The following PUM1 variants were observed in gnomAD, a reference collection of about 807,000 sequenced individuals.
The protein encoded by PUM1 is pumilio RNA binding family member 1, also known as pumilio homolog 1.
Under a neutral mutation model 131.8 loss-of-function variants are expected in PUM1, and 13 were observed. The ratio of observed to expected loss-of-function variants is 0.10; its 90% CI spans 0.06 to 0.16. The LOEUF (loss-of-function observed/expected upper bound fraction) is 0.16, where lower values mean the gene tolerates loss of function less well. Among genes scored for constraint, PUM1 ranks in the 10% least tolerant of loss-of-function variants. The pLI is 1.00. For synonymous variants in PUM1, 509 were observed against 556.5 expected (o/e 0.91, Z 1.20); for missense variants, 961 against 1,512.4 (o/e 0.64, Z 6.05).
At chr1:31,003,520 G>A (rs185609838) in intron 5 of PUM1, among the ~76,000 whole-genome samples, 6 of 152,264 alleles carry the variant, frequency 3.9e-5, no homozygotes, top group African/African-American at 1.4e-4. Context: ...ACTTTGGGAG[G>A]CTGAGGTGGG....
At chr1:31,052,154 A>C (rs1644127239) in intron 2 of PUM1, among the ~76,000 whole-genome samples, 1 of 151,846 alleles carries the variant, frequency 6.6e-6, no homozygotes, top group Non-Finnish European at 1.5e-5. Context: ...CTGGGACTAC[A>C]GGCGCCCACC....
intron 3 of PUM1, 182 bp downstream of exon 3, chr1:31,028,614 A>C (rs1340982309): frequency 1.6e-6 from 1 of 620,184 alleles, no homozygotes; most frequent in East Asian, 2.6e-5. Flanking sequence ...TATGGTTAAC[A>C]TTCTTCTTTT....
rs267598545 is a variant in PUM1 at position 30,980,153 on chromosome 1, G to A, written c.1263C>T (p.Pro421=). 1.1e-5 allele frequency: 17 copies of A among 1,613,642 alleles called. No individual in the cohort carries two copies. Among genetic ancestry groups the A allele is most frequent in the Non-Finnish European group, 1.4e-5 (16 of 1,179,884 alleles). The part of the protein sequence containing the change: ...AAHQPHIGLA[P]AAFVPNPYII... ...TGTATGGATTGGGGACAAACGCAGCGGGAGCTAAACCTGCTGAAAACATAC... is the reference window on the plus strand; with the variant it reads ...TGTATGGATTGGGGACAAACGCAGCAGGAGCTAAACCTGCTGAAAACATAC... Residue 421 remains proline (P), a synonymous_variant, in exon 9 of 22, where the codon CCC becomes CCT. Transcript: ENST00000426105.
At position 30,967,307 on chromosome 1, in the gene PUM1, T is replaced by A. The variant is rs1640661202; in HGVS notation, c.1649A>T (p.Tyr550Phe). 1.2e-6 allele frequency: 2 copies of A among 1,613,182 alleles called. No individual in the cohort carries two copies. ...GTAAGCAGCAGGAGCCAACACCGGA[T>A]AACCTAGGAATATCAAGCCAACAAA... ...GQGLAAGMPG[Y>F]PVLAPAAYYD... Residue 550 changes from tyrosine (Y) to phenylalanine (F), a missense_variant, in exon 12 of 22, where the codon TAT becomes TTT. Tyr to Phe is a conservative substitution (Grantham distance 22). Coordinates refer to ENST00000426105, the MANE Select transcript of PUM1 (RefSeq NM_001020658.2).
intron 17 of PUM1, among the ~76,000 whole-genome samples, chr1:30,949,657 T>G (rs933933561): frequency 6.6e-6 from 1 of 152,052 alleles, no homozygotes; most frequent in African/African-American, 2.4e-5. Context: ...TCTGTGCTGA[T>G]GAAGTCTGGC....
chr1:31,024,871 G>A (rs1222849686), intron 3 of PUM1, among the ~76,000 whole-genome samples: 1 of 152,164 alleles, frequency 6.6e-6, no homozygotes, highest in African/African-American at 2.4e-5. Context: ...TTTAGAAATA[G>A]AGCCCAGAAG....
At position 30,956,680 on chromosome 1, in the gene PUM1, A is replaced by T. The variant is rs1039637008; in HGVS notation, c.2324-2699T>A. Among the ~76,000 whole-genome samples, 4 of 152,228 alleles carry T rather than the reference A, an allele frequency of 2.6e-5. 1 individual carries two copies. The highest frequency in any genetic ancestry group is 2.6e-4 in the Admixed American group (4 of 15,288). Reference sequence around the variant, plus strand: ...TGGCAGGTATGGGGAAAGTGTGGCAATAGCAACAAACATACCAAAGAAGAA... The same window carrying T: ...TGGCAGGTATGGGGAAAGTGTGGCATTAGCAACAAACATACCAAAGAAGAA... On this transcript the variant is annotated intron_variant, in intron 14 of 21. Transcript: ENST00000426105.
At chr1:31,037,780 G>A (rs1041438881) in intron 2 of PUM1, among the ~76,000 whole-genome samples, 2 of 152,076 alleles carry the variant, frequency 1.3e-5, no homozygotes, top group African/African-American at 2.4e-5. Flanking sequence ...GCCGGGCGTG[G>A]TGGCTCACAC....
At chr1:30,944,373 C>T (rs1639584042) in intron 18 of PUM1, among the ~76,000 whole-genome samples, 1 of 152,096 alleles carries the variant, frequency 6.6e-6, no homozygotes, top group African/African-American at 2.4e-5. Flanking sequence ...CCTTAGGAGA[C>T]TGTAAGGACT....
chr1:31,025,545 CTTTT>C (rs35510099), intron 3 of PUM1, among the ~76,000 whole-genome samples: 3 of 88,820 alleles, frequency 3.4e-5, no homozygotes, highest in African/African-American at 9.3e-5. Flanking sequence ...TGTTTTTTGT[CTTTT>C]TTTTTTTTTT....
intron 2 of PUM1, among the ~76,000 whole-genome samples, chr1:31,054,872 G>A (rs1557608055): frequency 6.6e-6 from 1 of 152,082 alleles, no homozygotes; most frequent in Non-Finnish European, 1.5e-5. Context: ...GTTTTGTCTG[G>A]TTTATCTTGC....
chr1:30,932,621 A>G lies in PUM1; in HGVS notation c.*590T>C, dbSNP rs1206611257. The G allele has an allele frequency of 7.0e-6, 1 of 142,950 alleles. No homozygotes were observed. Among genetic ancestry groups the G allele is most frequent in the African/African-American group, 2.6e-5 (1 of 38,506 alleles). The allele number at this position is 142,950 out of a possible 1,614,324, so 8.9% of individuals were successfully genotyped here. On this transcript the variant is annotated 3_prime_UTR_variant, in exon 22 of 22. Coordinates refer to ENST00000426105, the MANE Select transcript of PUM1 (RefSeq NM_001020658.2). ...AATGTCACAAACTGAAGCTTTAGCA[A>G]CTCTGAAACCTTTTTCATTATATAT... is the stretch of plus-strand genomic sequence containing the variant.
At chr1:30,996,525 T>C (rs2124492579) in intron 5 of PUM1, among the ~76,000 whole-genome samples, 1 of 152,364 alleles carries the variant, frequency 6.6e-6, no homozygotes, top group South Asian at 2.1e-4. Flanking sequence ...TCTAAAGTTA[T>C]TCTCTGTTCA....
chr1:31,036,633 G>GGATTCGGAGTGCTCTGAGGCCTC (rs959112742), intron 2 of PUM1: 2 of 152,178 alleles, frequency 1.3e-5, no homozygotes, highest in Non-Finnish European at 2.9e-5. Flanking sequence ...GGGGAGGCAG[G>GGATTCGGAGTGCTCTGAGGCCTC]GATTCGGAGT....
intron 7 of PUM1, among the ~76,000 whole-genome samples, chr1:30,984,409 TCTG>T (rs1641469155): frequency 6.6e-6 from 1 of 152,228 alleles, no homozygotes; most frequent in South Asian, 2.1e-4. Context: ...AGCACTGAGC[TCTG>T]CTAACATTTT....
At chr1:31,014,768 G>A (rs1034917284) in intron 3 of PUM1, among the ~76,000 whole-genome samples, 2 of 150,558 alleles carry the variant, frequency 1.3e-5, no homozygotes, top group African/African-American at 4.9e-5. Context: ...CAGCCTGGGC[G>A]ACAGAGCAAG....
In PUM1 at chr1:30,949,596, C is replaced by T. The variant is rs138439552; in HGVS notation, c.2856+531G>A. Reference sequence around the variant, plus strand: ...TCCTCACCACTGCTCACCACCATGGCTCTTCCCCACCAGAATGCACTCTGT... The same window carrying T: ...TCCTCACCACTGCTCACCACCATGGTTCTTCCCCACCAGAATGCACTCTGT... On this transcript the variant is annotated intron_variant, in intron 17 of 21. Transcript: ENST00000426105. Among the ~76,000 whole-genome samples, 145 of 151,866 alleles carry T rather than the reference C, an allele frequency of 9.5e-4. 2 individuals carry two copies. The East Asian group carries it at 0.025, about 26-fold the overall frequency.
intron 2 of PUM1, among the ~76,000 whole-genome samples, chr1:31,045,823 T>G (rs1643944098): frequency 6.6e-6 from 1 of 152,138 alleles, no homozygotes; most frequent in Non-Finnish European, 1.5e-5. Flanking sequence ...GGCTCACATC[T>G]GTAATCCTGG....
chr1:30,958,329 T>C (rs4949188), intron 14 of PUM1, among the ~76,000 whole-genome samples: 117,664 of 152,190 alleles, frequency 0.77, 46,421 homozygotes, highest in African/African-American at 0.92. Context: ...TGCTTTCATT[T>C]TTTTGCCCTA....
Sources: gnomAD v4.1 joint callset for allele counts (sites outside exome capture counted in the v4.1 genomes callset) on GRCh38, gnomAD v4.1.1 for gene constraint, MANE v1.5 for transcripts, NCBI Gene and HGNC (gene_info 2026-07-23, HGNC 2026-07-21) for gene names.